EFR3A: variants seen among roughly 807,000 people sequenced by gnomAD.
EFR3A encodes EFR3 homolog A, also known as protein EFR3 homolog A.
EFR3A carries 76 observed loss-of-function variants against 104.4 expected under a neutral mutation model. The ratio of observed to expected loss-of-function variants is 0.73; its 90% CI spans 0.60 to 0.88. EFR3A has a LOEUF of 0.88. Among genes scored for constraint, EFR3A ranks in the 40% least tolerant of loss-of-function variants. The pLI is 0.00. For synonymous variants in EFR3A, 330 were observed against 330.0 expected, an observed-to-expected ratio of 1.00 and a Z score of 0.00; for missense variants, 985 against 1,012.5, an observed-to-expected ratio of 0.97 and a Z score of 0.37.
chr8:131,958,758 A>AT (rs1819155424), intron 7 of EFR3A, among the ~76,000 whole-genome samples: 1 of 152,104 alleles, frequency 6.6e-6, no homozygotes, highest in South Asian at 2.1e-4. Context: ...CTGAGCTCCA[A>AT]TTTTTTCACC....
At chr8:131,968,924 C>T (rs1819906056) in intron 9 of EFR3A, among the ~76,000 whole-genome samples, 1 of 152,084 alleles carries the variant, frequency 6.6e-6, no homozygotes, top group South Asian at 2.1e-4. Context: ...AAGTTGTAGC[C>T]AAATTGTGGA....
chr8:131,942,963 GGA>G (rs1379221485), intron 2 of EFR3A, among the ~76,000 whole-genome samples: 4 of 152,192 alleles, frequency 2.6e-5, no homozygotes, highest in Admixed American at 2.0e-4. Context: ...GCCTGAAGAG[GGA>G]GAGATGGCCT....
chr8:131,932,202 A>AT, intron 1 of EFR3A, among the ~76,000 whole-genome samples: 1 of 151,928 alleles, frequency 6.6e-6, no homozygotes, highest in Admixed American at 6.6e-5. Flanking sequence ...AGGTGTCTTT[A>AT]TTTTTTATGA....
chr8:131,984,326 A>G, intron 15 of EFR3A, 26 bp downstream of exon 15: 1 of 1,486,840 alleles, frequency 6.7e-7, no homozygotes, highest in Non-Finnish European at 8.9e-7. Flanking sequence ...CGTTCACTGC[A>G]GAAAACATTT....
chr8:131,939,328 G>A lies in EFR3A; in HGVS notation c.11-1171G>A, dbSNP rs565958686. 2.2e-4 allele frequency among the ~76,000 whole-genome samples: 33 copies of A among 152,218 alleles called. No individual in the cohort carries two copies. In the South Asian group the frequency reaches 6.8e-3, roughly 32 times the overall value. ...CAGATCTGTCTGTTCCAAAGCCCAT[G>A]TTCTTTAACCCATGGCTGTCCACTA... On this transcript the variant is annotated intron_variant, in intron 1 of 22. Transcript: ENST00000254624.
At chr8:131,938,504 T>C (rs1050030394) in intron 1 of EFR3A, among the ~76,000 whole-genome samples, 1 of 152,100 alleles carries the variant, frequency 6.6e-6, no homozygotes, top group African/African-American at 2.4e-5. Flanking sequence ...TATGCCTTCT[T>C]TATAGTGGGT....
At chr8:131,914,142 G>C (rs942576735) in intron 1 of EFR3A, among the ~76,000 whole-genome samples, 17 of 152,250 alleles carry the variant, frequency 1.1e-4, no homozygotes, top group African/African-American at 3.9e-4. Flanking sequence ...ATCTACAGTG[G>C]GGGGGACACT....
At chr8:131,904,380 T>A in intron 1 of EFR3A, 58 bp downstream of exon 1, 2 of 1,237,596 alleles carry the variant, frequency 1.6e-6, no homozygotes, top group South Asian at 7.4e-5. Context: ...GCGACGCGCT[T>A]GGGCCGGGTA....
intron 9 of EFR3A, 144 bp from the exon 10 acceptor site, chr8:131,970,332 A>T (rs1819978594): frequency 2.6e-6 from 2 of 784,278 alleles, no homozygotes; most frequent in Non-Finnish European, 3.9e-6. Context: ...ACTCTTTTTT[A>T]AAAAAATGAA....
intron 4 of EFR3A, among the ~76,000 whole-genome samples, chr8:131,949,746 C>G (rs1298489513): frequency 6.9e-6 from 1 of 145,082 alleles, no homozygotes; most frequent in South Asian, 2.1e-4. Flanking sequence ...CCTAGGAATT[C>G]AAGGCTCAGT....
intron 9 of EFR3A, 127 bp from the exon 10 acceptor site, chr8:131,970,349 T>C: frequency 1.1e-6 from 1 of 876,368 alleles, no homozygotes; most frequent in East Asian, 2.7e-5. Flanking sequence ...TGAAATAGTT[T>C]ATAAATTACT....
Position 131,950,184 on chromosome 8 carries a change from A to G in EFR3A, c.488+94A>G, listed in dbSNP as rs184908116. The G allele has an allele frequency of 2.7e-4, 353 of 1,286,966 alleles. 1 individual carries two copies. Among genetic ancestry groups the G allele is most frequent in the East Asian group, 4.4e-4 (17 of 38,414 alleles). The allele number at this position is 1,286,966 out of a possible 1,614,324, so 79.7% of individuals were successfully genotyped here. A position where few individuals can be genotyped will look rare whatever the true frequency, so the allele number is the denominator to read the frequency against. ...ATAATGATTACCAGAGGAAACAATA[A>G]TATGCCTGAAATACGGCTTTCCATT... On this transcript the variant is annotated intron_variant, in intron 5 of 22. Coordinates refer to ENST00000254624, the MANE Select transcript of EFR3A (RefSeq NM_015137.6).
intron 1 of EFR3A, among the ~76,000 whole-genome samples, chr8:131,930,853 A>T (rs1212783869): frequency 6.6e-6 from 1 of 152,146 alleles, no homozygotes; most frequent in Non-Finnish European, 1.5e-5. Context: ...TTATAGTGCT[A>T]TTTATGATTC....
chr8:131,974,262 C>T (rs574594491), intron 10 of EFR3A, among the ~76,000 whole-genome samples: 3 of 152,266 alleles, frequency 2.0e-5, no homozygotes, highest in South Asian at 4.1e-4. Context: ...AACTATTCCA[C>T]GCATTTGAAA....
chr8:131,935,138 G>A (rs1817809117), intron 1 of EFR3A, among the ~76,000 whole-genome samples: 1 of 152,134 alleles, frequency 6.6e-6, no homozygotes, highest in African/African-American at 2.4e-5. Flanking sequence ...TGTTCAAAGT[G>A]ATTCATTTGA....
intron 5 of EFR3A, among the ~76,000 whole-genome samples, chr8:131,951,334 A>T (rs1307561674): frequency 6.6e-6 from 1 of 152,038 alleles, no homozygotes; most frequent in East Asian, 1.9e-4. Flanking sequence ...ATGAAGTGTA[A>T]AGCCTTCTCA....
chr8:131,959,654 T>C lies in EFR3A; in HGVS notation c.846T>C (p.Tyr282=), dbSNP rs769776534. 1.4e-5 allele frequency: 22 copies of C among 1,609,730 alleles called. No individual in the cohort carries two copies. Among genetic ancestry groups the C allele is most frequent in the South Asian group, 1.2e-4 (11 of 90,086 alleles). ...TTCACTGCTTTAAAATTATAATGTA[T>C]TCCATTCAGGTAAGGTTTGATTAAC... The part of the protein sequence containing the change: ...FAVHCFKIIM[Y]SIQAQYSHHV... Residue 282 remains tyrosine (Y), a synonymous_variant, in exon 8 of 23, where the codon TAT becomes TAC. Transcript: ENST00000254624.
At chr8:131,937,779 C>CTTTTTTTTTTTTTTT (rs78277313) in intron 1 of EFR3A, among the ~76,000 whole-genome samples, 1 of 137,766 alleles carries the variant, frequency 7.3e-6, no homozygotes, top group Non-Finnish European at 1.6e-5. Flanking sequence ...TCATCCCCCT[C>CTTTTTTTTTTTTTTT]TTTTTTTTTT....
chr8:131,984,598 GACAT>G (rs952952320), intron 15 of EFR3A, among the ~76,000 whole-genome samples: 2 of 152,084 alleles, frequency 1.3e-5, no homozygotes, highest in African/African-American at 4.8e-5. Context: ...AAATAAGAAT[GACAT>G]ACATGCAGTT....
Sources: gnomAD v4.1 joint callset for allele counts (sites outside exome capture counted in the v4.1 genomes callset) on GRCh38, gnomAD v4.1.1 for gene constraint, MANE v1.5 for transcripts, NCBI Gene and HGNC (gene_info 2026-07-23, HGNC 2026-07-21) for gene names.